The following FRMPD1 variants were observed in gnomAD, a reference collection of about 807,000 sequenced individuals.
The protein encoded by FRMPD1 is FERM and PDZ domain containing 1, also known as FERM and PDZ domain-containing protein 1.
In FRMPD1, 76 loss-of-function variants were observed where a neutral mutation model predicts 117.8. The ratio of observed to expected loss-of-function variants is 0.65; its 90% CI spans 0.54 to 0.78. The LOEUF (loss-of-function observed/expected upper bound fraction) is 0.78, where lower values mean the gene tolerates loss of function less well. FRMPD1 is among the 30% of genes least tolerant of loss of function. The pLI, the probability that FRMPD1 is intolerant of heterozygous loss-of-function variation, is 0.00. For missense variants in FRMPD1, 1,786 were observed against 1,964.5 expected, an observed-to-expected ratio of 0.91 and a Z score of 1.72; for synonymous variants, 783 against 770.4, an observed-to-expected ratio of 1.02 and a Z score of -0.27.
intron 1 of FRMPD1, among the ~76,000 whole-genome samples, chr9:37,671,832 G>A (rs1033786004): frequency 6.6e-6 from 1 of 152,172 alleles, no homozygotes; most frequent in Admixed American, 6.5e-5. Context: ...CGGGCGTGGT[G>A]GTGGGCATCT....
At chr9:37,629,000 A>C in the FRMPD1 span, among the ~76,000 whole-genome samples, 6 of 152,328 alleles carry the variant, frequency 3.9e-5, no homozygotes, top group East Asian at 1.2e-3. Flanking sequence ...GGAGTTCAAG[A>C]CCAGCCTGGC....
At chr9:37,738,035 T>C (rs61429107) in intron 14 of FRMPD1, among the ~76,000 whole-genome samples, 2,641 of 152,226 alleles carry the variant, frequency 0.017, 75 homozygotes, top group African/African-American at 0.06. Flanking sequence ...CTCAGCACCA[T>C]TGATGCAGCA....
chr9:37,657,273 CCT>C (rs1262297707), intron 1 of FRMPD1, among the ~76,000 whole-genome samples: 1 of 152,174 alleles, frequency 6.6e-6, no homozygotes, highest in Non-Finnish European at 1.5e-5. Context: ...AGTTGAAACC[CCT>C]GTCTGATGCT....
the FRMPD1 span, among the ~76,000 whole-genome samples, chr9:37,626,056 G>A: frequency 5.3e-3 from 802 of 152,244 alleles, 5 homozygotes; most frequent in African/African-American, 0.019. Flanking sequence ...GCTGGGCGCG[G>A]TGGCTCATGC....
intron 1 of FRMPD1, among the ~76,000 whole-genome samples, chr9:37,691,085 G>A (rs1026567752): frequency 2.0e-5 from 3 of 152,196 alleles, no homozygotes; most frequent in African/African-American, 7.2e-5. Flanking sequence ...AGGATATAAA[G>A]TACTCGCTGA....
At chr9:37,736,905 G>T (rs1399878899) in intron 13 of FRMPD1, among the ~76,000 whole-genome samples, 191 bp from the exon 14 acceptor site, 1 of 151,906 alleles carries the variant, frequency 6.6e-6, no homozygotes, top group Non-Finnish European at 1.5e-5. Flanking sequence ...ACACGCGATG[G>T]TGTCTGTACG....
intron 1 of FRMPD1, among the ~76,000 whole-genome samples, chr9:37,674,981 T>TA (rs1227252108): frequency 6.6e-6 from 1 of 152,088 alleles, no homozygotes; most frequent in Non-Finnish European, 1.5e-5. Flanking sequence ...TCCTAAAAGT[T>TA]ATGGGGTGAC....
intron 2 of FRMPD1, among the ~76,000 whole-genome samples, chr9:37,705,080 A>T (rs1822655540): frequency 6.6e-6 from 1 of 152,124 alleles, no homozygotes; most frequent in Non-Finnish European, 1.5e-5. Flanking sequence ...TCTGCTTTTA[A>T]TGAATTGTTT....
intron 1 of FRMPD1, among the ~76,000 whole-genome samples, chr9:37,676,822 A>G (rs867843670): frequency 3.3e-5 from 5 of 152,128 alleles, no homozygotes; most frequent in African/African-American, 1.2e-4. Context: ...TAGACTCCCT[A>G]TAGCATTTTA....
the FRMPD1 span, among the ~76,000 whole-genome samples, chr9:37,606,203 G>A: frequency 6.6e-6 from 1 of 152,168 alleles, no homozygotes; most frequent in Admixed American, 6.5e-5. Context: ...AGAGAGGGGA[G>A]AAGGAAAGAA....
chr9:37,715,631 A>G, intron 5 of FRMPD1: 1 of 456,276 alleles, frequency 2.2e-6, no homozygotes, highest in Non-Finnish European at 4.4e-6. Context: ...AATAATGAGT[A>G]GCTCATATCC....
intron 9 of FRMPD1, among the ~76,000 whole-genome samples, chr9:37,731,427 A>G (rs1823874997): frequency 1.3e-5 from 2 of 152,184 alleles, no homozygotes; most frequent in Non-Finnish European, 2.9e-5. Context: ...TTTTAGAATG[A>G]TGACACTGAG....
the FRMPD1 span, among the ~76,000 whole-genome samples, chr9:37,615,429 G>A: frequency 1.3e-5 from 2 of 152,092 alleles, no homozygotes; most frequent in Non-Finnish European, 2.9e-5. Flanking sequence ...TTCTTAGCTC[G>A]TCAACCTCGC....
the FRMPD1 span, among the ~76,000 whole-genome samples, chr9:37,622,613 C>CT: frequency 9.9e-5 from 15 of 152,190 alleles, no homozygotes; most frequent in African/African-American, 3.6e-4. Flanking sequence ...TGGCCTGAGC[C>CT]TTTTTTGTGT....
intron 1 of FRMPD1, among the ~76,000 whole-genome samples, chr9:37,660,998 CT>C (rs1563921455): frequency 6.6e-6 from 1 of 152,234 alleles, no homozygotes; most frequent in Non-Finnish European, 1.5e-5. Flanking sequence ...ATATGTGGGC[CT>C]CTGTGTTTCT....
chr9:37,619,281 CA>C, the FRMPD1 span, among the ~76,000 whole-genome samples: 1 of 152,194 alleles, frequency 6.6e-6, no homozygotes, highest in Admixed American at 6.5e-5. Context: ...GTGATATTCA[CA>C]ACCCGGGCCT....
At position 37,740,257 on chromosome 9, in the gene FRMPD1, G is replaced by A. The variant is rs201645225; in HGVS notation, c.1729G>A (p.Gly577Arg). 256 of 1,613,854 alleles carry A rather than the reference G, an allele frequency of 1.6e-4. 1 individual carries two copies. The highest frequency in any genetic ancestry group is 7.3e-4 in the Admixed American group (44 of 60,028). Reference protein sequence around the residue: ...EVARRGPSTCGASSTTDSAES... With the variant: ...EVARRGPSTCRASSTTDSAES... ...GGCTAGGAGGGGCCCCAGCACCTGCGGGGCCAGCAGCACGACAGACAGTGC... is the reference window on the plus strand; with the variant it reads ...GGCTAGGAGGGGCCCCAGCACCTGCAGGGCCAGCAGCACGACAGACAGTGC... The change falls in exon 15 of 16, where the codon GGG becomes AGG. Residue 577 changes from glycine to arginine, a missense_variant. Physicochemically the swap from Gly to Arg is moderately radical, Grantham distance 125 (BLOSUM62 -2). Coordinates refer to ENST00000377765, the MANE Select transcript of FRMPD1 (RefSeq NM_014907.3). This position sits in a 1 kb window ranked among gnomAD's most constrained non-coding sequence, Gnocchi z 4.2.
chr9:37,678,251 C>CT (rs34040451), intron 1 of FRMPD1, among the ~76,000 whole-genome samples: 2,786 of 79,756 alleles, frequency 0.035, 396 homozygotes, highest in Non-Finnish European at 0.049. Flanking sequence ...GTACTTACCA[C>CT]TTTTTTTTTT....
chr9:37,640,542 T>C, the FRMPD1 span, among the ~76,000 whole-genome samples: 1 of 152,176 alleles, frequency 6.6e-6, no homozygotes, highest in Admixed American at 6.5e-5. Flanking sequence ...TCTGCCATGA[T>C]TTTAGTCTTC....
Sources: gnomAD v4.1 joint callset for allele counts (sites outside exome capture counted in the v4.1 genomes callset) on GRCh38, gnomAD v4.1.1 for gene constraint, Gnocchi (gnomAD v3.1) non-coding constraint, MANE v1.5 for transcripts, NCBI Gene and HGNC (gene_info 2026-07-23, HGNC 2026-07-21) for gene names.